ULK4: variants seen among roughly 807,000 people sequenced by gnomAD.
The protein encoded by ULK4 is unc-51 like kinase 4, also known as inactive serine/threonine-protein kinase ULK4.
ULK4 carries 133 observed loss-of-function variants against 160.6 expected under a neutral mutation model. The observed-to-expected ratio is 0.83, with a 90% CI of 0.72 to 0.96. ULK4 has a LOEUF of 0.96. Among genes scored for constraint, ULK4 ranks in the 40% least tolerant of loss-of-function variants. The pLI is 0.00. For missense variants in ULK4, 1,580 were observed against 1,499.5 expected (o/e 1.05, Z -0.89); for synonymous variants, 534 against 539.8 (o/e 0.99, Z 0.15).
chr3:41,255,316 T>C (rs1040289564), intron 35 of ULK4, among the ~76,000 whole-genome samples: 4 of 152,008 alleles, frequency 2.6e-5, no homozygotes, highest in African/African-American at 9.7e-5. Flanking sequence ...ACCCCGTTTC[T>C]ACTAAAAATA....
At chr3:41,796,592 G>C (rs879126708) in intron 20 of ULK4, among the ~76,000 whole-genome samples, 1 of 151,638 alleles carries the variant, frequency 6.6e-6, no homozygotes, top group Non-Finnish European at 1.5e-5. Flanking sequence ...ACTCTGTCTT[G>C]AGGAAAACAA....
At chr3:41,844,729 A>C (rs1452291879) in intron 17 of ULK4, among the ~76,000 whole-genome samples, 1 of 151,596 alleles carries the variant, frequency 6.6e-6, no homozygotes, top group Non-Finnish European at 1.5e-5. Context: ...GTCACCTCTC[A>C]ATACGTTGCT....
chr3:41,745,702 A>C (rs1167415978), intron 22 of ULK4, among the ~76,000 whole-genome samples: 1 of 151,678 alleles, frequency 6.6e-6, no homozygotes, highest in Non-Finnish European at 1.5e-5. Context: ...GGAGAAAGCA[A>C]GCAAGCAAAC....
At chr3:41,267,022 G>GGC (rs1553636495) in intron 35 of ULK4, among the ~76,000 whole-genome samples, 1 of 144,980 alleles carries the variant, frequency 6.9e-6, no homozygotes, top group East Asian at 2.1e-4. Flanking sequence ...CTCTATTGGG[G>GGC]GGGGGGGGTT....
At chr3:41,366,019 G>C (rs924007007) in intron 35 of ULK4, among the ~76,000 whole-genome samples, 1 of 152,098 alleles carries the variant, frequency 6.6e-6, no homozygotes, top group Non-Finnish European at 1.5e-5. Flanking sequence ...GTACTGAAAG[G>C]CTGCACAGGT....
intron 35 of ULK4, among the ~76,000 whole-genome samples, chr3:41,317,396 A>T (rs891397774): frequency 1.4e-4 from 22 of 152,088 alleles, no homozygotes; most frequent in Non-Finnish European, 2.9e-4. Flanking sequence ...TTTTTTCAGC[A>T]ATTCAAACTC....
At position 41,804,926 on chromosome 3, in the gene ULK4, A is replaced by T. The variant is rs1165049609; in HGVS notation, c.1849-4633T>A. Among the ~76,000 whole-genome samples, 7 of 152,086 alleles carry T rather than the reference A, an allele frequency of 4.6e-5. No individual in the cohort carries two copies. The East Asian group carries it at 7.7e-4, about 17-fold the overall frequency. Reference sequence around the variant, plus strand: ...TGAAGTCAGGTAGCGTGATGCCTCCAGCTTTGTTCTTTTGGCTTAGGACTG... The same window carrying T: ...TGAAGTCAGGTAGCGTGATGCCTCCTGCTTTGTTCTTTTGGCTTAGGACTG... On this transcript the variant is annotated intron_variant, in intron 19 of 36. Transcript: ENST00000301831.
At chr3:41,353,513 T>A (rs1042580749) in intron 35 of ULK4, among the ~76,000 whole-genome samples, 63 of 151,810 alleles carry the variant, frequency 4.1e-4, no homozygotes, top group Admixed American at 1.6e-3. Flanking sequence ...AAAATTTTTT[T>A]AAAAATTAGC....
At chr3:41,921,328 A>G (rs2148813948) in intron 5 of ULK4, among the ~76,000 whole-genome samples, 1 of 151,760 alleles carries the variant, frequency 6.6e-6, no homozygotes, top group African/African-American at 2.4e-5. Context: ...TAAATAAACG[A>G]GGGCCGGGCA....
At chr3:41,437,698 T>C (rs1412141196) in intron 34 of ULK4, among the ~76,000 whole-genome samples, 1 of 152,206 alleles carries the variant, frequency 6.6e-6, no homozygotes, top group Non-Finnish European at 1.5e-5. Context: ...ATAAGAATGA[T>C]CTGAATGTCA....
chr3:41,646,518 G>A (rs1187964522), intron 30 of ULK4, among the ~76,000 whole-genome samples: 1 of 152,132 alleles, frequency 6.6e-6, no homozygotes, highest in East Asian at 1.9e-4. Flanking sequence ...TTGAATATTG[G>A]CTCCCACTCT....
chr3:41,909,992 G>A (rs1419210774), intron 11 of ULK4, among the ~76,000 whole-genome samples: 3 of 152,118 alleles, frequency 2.0e-5, no homozygotes, highest in African/African-American at 4.8e-5. Context: ...CACCACCCGG[G>A]TTCAAGTGAT....
At chr3:41,873,224 C>CT (rs1173793427) in intron 17 of ULK4, among the ~76,000 whole-genome samples, 22,567 of 106,168 alleles carry the variant, frequency 0.21, 2,077 homozygotes, top group Admixed American at 0.24. Context: ...AGTTGCCTTT[C>CT]TTTTTTTTTT....
chr3:41,458,308 A>T (rs2083601439), intron 33 of ULK4, among the ~76,000 whole-genome samples: 1 of 152,214 alleles, frequency 6.6e-6, no homozygotes, highest in Non-Finnish European at 1.5e-5. Flanking sequence ...GAGGATGGGG[A>T]CTGAATCATA....
chr3:41,701,986 T>G (rs922459396), intron 27 of ULK4, among the ~76,000 whole-genome samples: 2 of 150,812 alleles, frequency 1.3e-5, no homozygotes, highest in South Asian at 4.2e-4. Context: ...AACAAGAAAG[T>G]GGAAGTAGGT....
chr3:41,772,559 G>T (rs1330564626), intron 21 of ULK4, among the ~76,000 whole-genome samples: 1 of 152,176 alleles, frequency 6.6e-6, no homozygotes, highest in Non-Finnish European at 1.5e-5. Flanking sequence ...AACAGGATCT[G>T]AAATTGCGGC....
intron 32 of ULK4, among the ~76,000 whole-genome samples, chr3:41,538,430 A>G (rs1164189593): frequency 6.6e-6 from 1 of 152,120 alleles, no homozygotes; most frequent in Non-Finnish European, 1.5e-5. Flanking sequence ...ACTTCAATCT[A>G]CAATACTTAT....
chr3:41,264,568 C>A (rs2078997193), intron 35 of ULK4, among the ~76,000 whole-genome samples: 1 of 152,146 alleles, frequency 6.6e-6, no homozygotes, highest in South Asian at 2.1e-4. Context: ...GAGTCTGCCT[C>A]ATCAACCATA....
intron 5 of ULK4, among the ~76,000 whole-genome samples, chr3:41,928,255 G>T (rs1263907594): frequency 9.9e-5 from 15 of 152,108 alleles, no homozygotes; most frequent in Admixed American, 9.8e-4. Flanking sequence ...TGACTACTGG[G>T]TAAATAATGA....
Sources: allele counts gnomAD v4.1 joint callset (sites outside exome capture counted in the v4.1 genomes callset), GRCh38; gene constraint gnomAD v4.1.1; transcripts MANE v1.5; gene names NCBI Gene and HGNC (gene_info 2026-07-23, HGNC 2026-07-21).